OLFM3: variants seen among roughly 807,000 people sequenced by gnomAD.
The protein encoded by OLFM3 is noelin-3.
OLFM3 carries 20 observed loss-of-function variants against 48.6 expected under a neutral mutation model. The ratio of observed to expected loss-of-function variants is 0.41; its 90% CI spans 0.29 to 0.60. OLFM3 has a LOEUF of 0.60. Ranked by LOEUF, OLFM3 falls within the 20% of genes least tolerant of loss-of-function variation. The pLI is 0.28. For synonymous variants in OLFM3, 222 were observed against 198.1 expected (o/e 1.12, Z -1.01); for missense variants, 437 against 544.3 (o/e 0.80, Z 1.96).
At chr1:101,945,829 A>C (rs2101064820) in intron 1 of OLFM3, among the ~76,000 whole-genome samples, 1 of 150,920 alleles carries the variant, frequency 6.6e-6, no homozygotes, top group South Asian at 2.1e-4. Context: ...GATATAATTG[A>C]CAAAACAGAA....
At chr1:101,835,735 A>G (rs1655368781) in intron 2 of OLFM3, among the ~76,000 whole-genome samples, 1 of 152,198 alleles carries the variant, frequency 6.6e-6, no homozygotes, top group African/African-American at 2.4e-5. Flanking sequence ...ATCTTGCCAT[A>G]AAAGGAGGCT....
At chr1:101,912,271 G>GAAAGTGCAAGGAGTTT (rs1553179259) in intron 1 of OLFM3, among the ~76,000 whole-genome samples, 2 of 152,206 alleles carry the variant, frequency 1.3e-5, no homozygotes, top group Non-Finnish European at 2.9e-5. Flanking sequence ...GTGCAAAGCT[G>GAAAGTGCAAGGAGTTT]AAAGTGCAAG....
intron 1 of OLFM3, among the ~76,000 whole-genome samples, chr1:101,978,608 A>G (rs1661018409): frequency 6.6e-6 from 1 of 152,174 alleles, no homozygotes; most frequent in Admixed American, 6.5e-5. Context: ...TCTAGAATTA[A>G]TGTAATTAGT....
At chr1:101,926,028 T>A (rs1363271881) in intron 1 of OLFM3, among the ~76,000 whole-genome samples, 1 of 152,158 alleles carries the variant, frequency 6.6e-6, no homozygotes, top group Non-Finnish European at 1.5e-5. Context: ...GATGGGATAA[T>A]CAAGGAAAGT....
intron 1 of OLFM3, among the ~76,000 whole-genome samples, chr1:101,851,784 A>T (rs1316256307): frequency 6.6e-6 from 1 of 152,084 alleles, no homozygotes; most frequent in Non-Finnish European, 1.5e-5. Flanking sequence ...GTTGCCATGG[A>T]TAAATTGATT....
rs192279998 is a variant in OLFM3 at position 101,921,886 on chromosome 1, C to T, written c.69+74862G>A. 3.4e-3 allele frequency among the ~76,000 whole-genome samples: 511 copies of T among 152,134 alleles called. 3 individuals are homozygous for T. Among genetic ancestry groups the T allele is most frequent in the African/African-American group, 0.012 (485 of 41,522 alleles). On this transcript the variant is annotated intron_variant, in intron 1 of 5. Coordinates refer to ENST00000370103, the MANE Select transcript of OLFM3 (RefSeq NM_058170.4). Reference sequence around the variant, plus strand: ...CAACCTGGCCAACATGATGAAACCCCACCACTACCAAAAATACAAAAAATT... The same window carrying T: ...CAACCTGGCCAACATGATGAAACCCTACCACTACCAAAAATACAAAAAATT...
chr1:101,990,322 G>A (rs1227228482), intron 1 of OLFM3, among the ~76,000 whole-genome samples: 2 of 152,294 alleles, frequency 1.3e-5, no homozygotes, highest in East Asian at 3.9e-4. Context: ...GAAACAGCAA[G>A]AGTGAAGGAA....
chr1:101,956,864 A>G (rs1227117221), intron 1 of OLFM3, among the ~76,000 whole-genome samples: 1 of 151,850 alleles, frequency 6.6e-6, no homozygotes, highest in Non-Finnish European at 1.5e-5. Context: ...GACTGTCTTA[A>G]CTCTGTGTCC....
rs3079176 is a variant in OLFM3, at chr1:101,836,594, C to CTTTT, written c.216+281_216+284dup. ...GAATTTTTGGCATCAGAATAAGATG[C>CTTTT]TTTTTTTTTTTCCTTAATGAGATAT... On this transcript the variant is annotated intron_variant, in intron 2 of 5. Coordinates refer to ENST00000370103, the MANE Select transcript of OLFM3 (RefSeq NM_058170.4). Among the ~76,000 whole-genome samples, 1,263 of 146,408 alleles carry CTTTT rather than the reference C, an allele frequency of 8.6e-3. 10 individuals are homozygous for CTTTT. Among genetic ancestry groups the CTTTT allele is most frequent in the Middle Eastern group, 0.022 (6 of 274 alleles).
At chr1:101,812,115 C>A (rs1340067138) in intron 4 of OLFM3, among the ~76,000 whole-genome samples, 1 of 151,394 alleles carries the variant, frequency 6.6e-6, no homozygotes, top group Non-Finnish European at 1.5e-5. Context: ...TGTTCTCACT[C>A]ATAGGTGGGA....
intron 4 of OLFM3, chr1:101,812,898 G>A: frequency 2.0e-6 from 2 of 1,000,728 alleles, no homozygotes; most frequent in Non-Finnish European, 2.4e-6. Flanking sequence ...CTTTCTTGTA[G>A]CACTAAGCAT....
chr1:101,910,686 C>A (rs1362440360), intron 1 of OLFM3, among the ~76,000 whole-genome samples: 1 of 152,114 alleles, frequency 6.6e-6, no homozygotes, highest in Non-Finnish European at 1.5e-5. Context: ...CTTGGCAGTA[C>A]TTGCTTAGAT....
In OLFM3 at chr1:101,996,175, A is replaced by G. The variant is rs146452711; in HGVS notation, c.69+573T>C. ...CCCCCTAATTTTCTTAATGAAAAGGAAGAAACAAACACAAGCTCCTTTCAC... is the reference window on the plus strand; with the variant it reads ...CCCCCTAATTTTCTTAATGAAAAGGGAGAAACAAACACAAGCTCCTTTCAC... On this transcript the variant is annotated intron_variant, in intron 1 of 5. Transcript: ENST00000370103. Among the ~76,000 whole-genome samples the G allele has an allele frequency of 2.6e-5, 4 of 152,296 alleles. No individual in the cohort carries two copies. The South Asian group carries it at 6.2e-4, about 24-fold the overall frequency.
Position 101,804,205 on chromosome 1 carries a change from C to A in OLFM3, c.*33G>T. ...CTTATAGAGTTTATCACAAATCACA[C>A]TGTTTAAATCAATGAAAACATGTCA... is the stretch of plus-strand genomic sequence containing the variant. On this transcript the variant is annotated 3_prime_UTR_variant, in exon 6 of 6. Coordinates refer to ENST00000370103, the MANE Select transcript of OLFM3 (RefSeq NM_058170.4). The surrounding 1 kb of genome is among the most constrained non-coding windows in gnomAD (Gnocchi z 4.5). 6.8e-7 allele frequency: 1 copy of A among 1,474,442 alleles called. No homozygotes were observed. The allele number at this position is 1,474,442 out of a possible 1,614,324, so 91.3% of individuals were successfully genotyped here. A position where few individuals can be genotyped will look rare whatever the true frequency, so the allele number is the denominator to read the frequency against.
rs1180669217 is a variant in OLFM3, at chr1:101,968,332, G to C, written c.69+28416C>G. Among the ~76,000 whole-genome samples the C allele has an allele frequency of 2.0e-5, 3 of 152,098 alleles. No individual in the cohort carries two copies. In the East Asian group the frequency reaches 5.8e-4, roughly 29 times the overall value. On this transcript the variant is annotated intron_variant, in intron 1 of 5. Transcript: ENST00000370103. ...CACACCATAAAGAATTATGTTGCAA[G>C]AGATTTCCAAGTCAGAGAAGATAGC...
At chr1:101,958,102 T>C (rs1205947463) in intron 1 of OLFM3, among the ~76,000 whole-genome samples, 2 of 152,184 alleles carry the variant, frequency 1.3e-5, no homozygotes, top group East Asian at 3.9e-4. Flanking sequence ...TTACTGAGCC[T>C]GTAATAGCTA....
chr1:101,906,122 TAATA>T (rs2101023188), intron 1 of OLFM3, among the ~76,000 whole-genome samples: 1 of 152,230 alleles, frequency 6.6e-6, no homozygotes, highest in African/African-American at 2.4e-5. Context: ...TTTCCTTGAC[TAATA>T]AATCAATTCC....
At chr1:101,942,041 C>A (rs1227586932) in intron 1 of OLFM3, among the ~76,000 whole-genome samples, 1 of 151,968 alleles carries the variant, frequency 6.6e-6, no homozygotes, top group East Asian at 1.9e-4. Context: ...GAAAACACAC[C>A]CTAGGACGAA....
intron 4 of OLFM3, among the ~76,000 whole-genome samples, chr1:101,806,851 A>G (rs1474366966): frequency 6.6e-6 from 1 of 151,816 alleles, no homozygotes; most frequent in Non-Finnish European, 1.5e-5. Context: ...ATGAAAGATG[A>G]AGAGATGTAA....
Sources: allele counts gnomAD v4.1 joint callset (sites outside exome capture counted in the v4.1 genomes callset), GRCh38; gene constraint gnomAD v4.1.1; non-coding constraint Gnocchi (gnomAD v3.1); transcripts MANE v1.5; gene names NCBI Gene and HGNC (gene_info 2026-07-23, HGNC 2026-07-21).